Variants in ZCWPW2 observed in about 807,000 individuals in gnomAD.
ZCWPW2 encodes the protein zinc finger CW-type PWWP domain protein 2.
A neutral mutation model predicts 46.6 loss-of-function variants in ZCWPW2; 45 were observed. That is an observed-to-expected ratio of 0.96 (90% CI 0.76 to 1.24). The LOEUF is 1.24. ZCWPW2 is among the 50% of genes most tolerant of loss of function. ZCWPW2 has a pLI of 0.00. For synonymous variants in ZCWPW2, 152 were observed against 137.1 expected, an observed-to-expected ratio of 1.11 and a Z score of -0.76; for missense variants, 429 against 403.9, an observed-to-expected ratio of 1.06 and a Z score of -0.53.
chr3:28,371,226 A>T (rs146319206), intron 1 of ZCWPW2, among the ~76,000 whole-genome samples: 2 of 152,156 alleles, frequency 1.3e-5, no homozygotes, highest in Admixed American at 6.5e-5. Context: ...ACATTCTACC[A>T]GTTTTGTTAA....
intron 5 of ZCWPW2, among the ~76,000 whole-genome samples, chr3:28,488,139 C>G (rs915233039): frequency 6.6e-6 from 1 of 152,170 alleles, no homozygotes; most frequent in African/African-American, 2.4e-5. Context: ...TCCCTCCCAC[C>G]ATGACTAGGT....
At chr3:28,377,939 G>A (rs998999879) in intron 1 of ZCWPW2, among the ~76,000 whole-genome samples, 4 of 151,912 alleles carry the variant, frequency 2.6e-5, no homozygotes, top group Non-Finnish European at 4.4e-5. Context: ...TATAGTTGCC[G>A]CAAAAGACAC....
At chr3:28,394,248 A>G (rs1287794869) in intron 2 of ZCWPW2, among the ~76,000 whole-genome samples, 1 of 152,152 alleles carries the variant, frequency 6.6e-6, no homozygotes, top group African/African-American at 2.4e-5. Context: ...TGAAAACTAT[A>G]AAACATTGAT....
chr3:28,432,713 T>A (rs1184111818), intron 3 of ZCWPW2, among the ~76,000 whole-genome samples: 1 of 152,170 alleles, frequency 6.6e-6, no homozygotes, highest in Non-Finnish European at 1.5e-5. Flanking sequence ...GTTTTTAAAA[T>A]AAAAAGTCAA....
intron 1 of ZCWPW2, among the ~76,000 whole-genome samples, chr3:28,383,129 C>T (rs1350392187): frequency 6.6e-6 from 1 of 152,086 alleles, no homozygotes; most frequent in African/African-American, 2.4e-5. Flanking sequence ...GTCTATGTTG[C>T]ATCCTGTGTC....
At position 28,435,244 on chromosome 3, in the gene ZCWPW2, T is replaced by C. The variant is rs750687041; in HGVS notation, c.467T>C (p.Val156Ala). The C allele has an allele frequency of 6.2e-7, 1 of 1,613,020 alleles. No individual in the cohort carries two copies. The highest frequency in any genetic ancestry group is 2.2e-5 in the East Asian group (1 of 44,814). Residue 156 changes from valine to alanine, a missense_variant, in exon 4 of 10, where the codon GTT (valine) becomes GCT (alanine). Val to Ala is a moderately conservative substitution (Grantham distance 64). Coordinates refer to ENST00000383768, the MANE Select transcript of ZCWPW2 (RefSeq NM_001040432.4). The part of the protein sequence containing the change: ...HSRSWIKATF[V>A]GHYSITLKPE... ...AGATCATGGATAAAGGCAACATTCGTTGGACATTATAGTATCACATTAAAG... is the reference window on the plus strand; with the variant it reads ...AGATCATGGATAAAGGCAACATTCGCTGGACATTATAGTATCACATTAAAG...
intron 1 of ZCWPW2, among the ~76,000 whole-genome samples, chr3:28,368,699 T>C (rs1705209989): frequency 6.6e-6 from 1 of 152,224 alleles, no homozygotes; most frequent in Admixed American, 6.5e-5. Flanking sequence ...AATTTGAATG[T>C]TGGCCTGCCT....
At chr3:28,392,435 C>G (rs1406724790) in intron 2 of ZCWPW2, among the ~76,000 whole-genome samples, 1 of 152,156 alleles carries the variant, frequency 6.6e-6, no homozygotes, top group African/African-American at 2.4e-5. Flanking sequence ...TAAGGAAACA[C>G]TGAACTTATA....
chr3:28,503,640 C>G (rs546046144), intron 6 of ZCWPW2, among the ~76,000 whole-genome samples: 189 of 151,968 alleles, frequency 1.2e-3, no homozygotes, highest in Non-Finnish European at 2.2e-3. Context: ...AGTTACACTA[C>G]TATTCTGCTT....
At chr3:28,430,715 T>A (rs911433825) in intron 3 of ZCWPW2, among the ~76,000 whole-genome samples, 8 of 152,190 alleles carry the variant, frequency 5.3e-5, no homozygotes, top group Non-Finnish European at 1.0e-4. Context: ...GATTAGATCA[T>A]GGGGCAGTTC....
intron 3 of ZCWPW2, among the ~76,000 whole-genome samples, chr3:28,421,623 C>A (rs1199141448): frequency 1.3e-5 from 2 of 151,900 alleles, no homozygotes; most frequent in Non-Finnish European, 2.9e-5. Context: ...TTCTTCAGTA[C>A]CCAGCTGAGG....
chr3:28,483,291 A>G (rs1391113824), intron 5 of ZCWPW2, among the ~76,000 whole-genome samples: 1 of 152,046 alleles, frequency 6.6e-6, no homozygotes, highest in Non-Finnish European at 1.5e-5. Context: ...TTATCTATTG[A>G]CTATATTTAT....
intron 8 of ZCWPW2, among the ~76,000 whole-genome samples, chr3:28,518,669 A>G (rs1700643696): frequency 6.6e-6 from 1 of 152,242 alleles, no homozygotes; most frequent in South Asian, 2.1e-4. Context: ...ATTTATTATC[A>G]TAAACTGATT....
chr3:28,484,289 T>C (rs944240334), intron 5 of ZCWPW2, among the ~76,000 whole-genome samples: 7 of 152,162 alleles, frequency 4.6e-5, no homozygotes, highest in African/African-American at 1.4e-4. Context: ...TGAACTACCT[T>C]GCATTGAATG....
intron 1 of ZCWPW2, among the ~76,000 whole-genome samples, chr3:28,355,834 G>A (rs6788754): frequency 0.49 from 73,734 of 151,984 alleles, 18,434 homozygotes; most frequent in Non-Finnish European, 0.54. Context: ...CTTACACCTT[G>A]TACAAAAATT....
At chr3:28,389,442 G>C (rs1157728963) in intron 1 of ZCWPW2, among the ~76,000 whole-genome samples, 4 of 152,168 alleles carry the variant, frequency 2.6e-5, no homozygotes. Flanking sequence ...TGGTTGCCCA[G>C]ATCTTGGCTT....
intron 3 of ZCWPW2, among the ~76,000 whole-genome samples, chr3:28,430,551 G>T (rs144044426): frequency 5.3e-5 from 8 of 152,206 alleles, no homozygotes; most frequent in Non-Finnish European, 1.2e-4. Flanking sequence ...TGTTGGAAGG[G>T]CATGATTGTG....
At chr3:28,352,100 C>T (rs1051523852) in intron 1 of ZCWPW2, among the ~76,000 whole-genome samples, 1 of 150,392 alleles carries the variant, frequency 6.6e-6, no homozygotes, top group African/African-American at 2.5e-5. Context: ...CTCCTTACCC[C>T]TCCTTTCCCT....
At chr3:28,476,768 C>T (rs951073286) in intron 4 of ZCWPW2, among the ~76,000 whole-genome samples, 1 of 152,160 alleles carries the variant, frequency 6.6e-6, no homozygotes, top group African/African-American at 2.4e-5. Context: ...TGTTTTCCCG[C>T]AACTAGAGGG....
Sources: gnomAD v4.1 joint callset for allele counts (sites outside exome capture counted in the v4.1 genomes callset) on GRCh38, gnomAD v4.1.1 for gene constraint, MANE v1.5 for transcripts, NCBI Gene and HGNC (gene_info 2026-07-23, HGNC 2026-07-21) for gene names.